Variants in ZNF768 observed in about 807,000 individuals in gnomAD.
ZNF768 encodes the protein zinc finger protein 768.
Under a neutral mutation model 39.7 loss-of-function variants are expected in ZNF768, and 12 were observed. The ratio of observed to expected loss-of-function variants is 0.30; its 90% CI spans 0.19 to 0.49. The LOEUF is 0.49. Ranked by LOEUF, ZNF768 falls within the 20% of genes least tolerant of loss-of-function variation. The pLI, the probability that ZNF768 is intolerant of heterozygous loss-of-function variation, is 0.99. For missense variants in ZNF768, 613 were observed against 723.2 expected (o/e 0.85, Z 1.75); for synonymous variants, 360 against 288.4 (o/e 1.25, Z -2.52).
In ZNF768 at chr16:30,524,988, C is replaced by A; in HGVS notation, c.1152G>T (p.Gln384His). ...SCTECGKCYS[Q>H]NSSLRSHQRV... Reference sequence around the variant, plus strand: ...TCTGATGGCTGCGCAGGGACGAGTTCTGGCTATAGCACTTGCCGCACTCGG... The same window carrying A: ...TCTGATGGCTGCGCAGGGACGAGTTATGGCTATAGCACTTGCCGCACTCGG... Residue 384 changes from glutamine to histidine, a missense_variant, in exon 2 of 2, where the codon CAG becomes CAT. This residue lies in a region of ZNF768 where 204 missense variants were observed against 281.7 expected (regional missense o/e 0.72). Transcript: ENST00000380412. The A allele has an allele frequency of 6.2e-6, 10 of 1,611,532 alleles. No individual in the cohort carries two copies. Among genetic ancestry groups the A allele is most frequent in the Non-Finnish European group, 8.5e-6 (10 of 1,179,328 alleles).
At position 30,524,467 on chromosome 16, in the gene ZNF768, C is replaced by A. The variant is rs1174491934; in HGVS notation, c.*50G>T. ...CCTCCCTAAAGGTTCCTCTAGCTCC[C>A]TGGCCCCTTATCTTCTGCCCACACC... On this transcript the variant is annotated 3_prime_UTR_variant, in exon 2 of 2. Coordinates refer to ENST00000380412, the MANE Select transcript of ZNF768 (RefSeq NM_024671.4). 3.8e-6 allele frequency: 6 copies of A among 1,559,326 alleles called. No individual in the cohort carries two copies. Among genetic ancestry groups the A allele is most frequent in the Non-Finnish European group, 5.2e-6 (6 of 1,160,086 alleles).
Position 30,524,427 on chromosome 16 carries a change from C to T in ZNF768, c.*90G>A, listed in dbSNP as rs2051300423. ...CATCCTCAGCTCCTCCATTCTCCTGCGGCTTCTCCACTATCCTCCCTAAAG... is the reference window on the plus strand; with the variant it reads ...CATCCTCAGCTCCTCCATTCTCCTGTGGCTTCTCCACTATCCTCCCTAAAG... On this transcript the variant is annotated 3_prime_UTR_variant, in exon 2 of 2. Coordinates refer to ENST00000380412, the MANE Select transcript of ZNF768 (RefSeq NM_024671.4). 1.3e-6 allele frequency: 2 copies of T among 1,495,818 alleles called. No homozygotes were observed. Among genetic ancestry groups the T allele is most frequent in the South Asian group, 2.7e-5 (2 of 74,494 alleles). The allele number at this position is 1,495,818 out of a possible 1,614,324, so 92.7% of individuals were successfully genotyped here.
In ZNF768 at chr16:30,526,254, G is replaced by A. The variant is rs551076184; in HGVS notation, c.88+72C>T. 6.3e-6 allele frequency: 10 copies of A among 1,586,044 alleles called. No individual in the cohort carries two copies. The Middle Eastern group carries it at 6.8e-4, about 108-fold the overall frequency. On this transcript the variant is annotated intron_variant, in intron 1 of 1. Coordinates refer to ENST00000380412, the MANE Select transcript of ZNF768 (RefSeq NM_024671.4). ...CCAGGTGTCCCAGCCCCGGGCCCTC[G>A]CTCCCTCCCTGGAGCCACAGCCCCT...
In ZNF768 at chr16:30,524,782, G is replaced by A; in HGVS notation, c.1358C>T (p.Pro453Leu). Reference protein sequence around the residue: ...VLAIHARTHLPGRTYSCPDCG... With the variant: ...VLAIHARTHLLGRTYSCPDCG... ...GTCGGGGCAGCTGTAGGTGCGGCCT[G>A]GCAGGTGGGTGCGGGCGTGGATGGC... The change falls in exon 2 of 2, where the codon CCA (proline) becomes CTA (leucine). Residue 453 changes from proline (P) to leucine (L), a missense_variant. Transcript: ENST00000380412. 3.7e-6 allele frequency: 6 copies of A among 1,611,446 alleles called. No individual in the cohort carries two copies. The highest frequency in any genetic ancestry group is 4.2e-6 in the Non-Finnish European group (5 of 1,179,452).
Position 30,525,852 on chromosome 16 carries a change from T to TG in ZNF768, c.287dup (p.Ser97LysfsTer3). The TG allele has an allele frequency of 6.6e-7, 1 of 1,526,100 alleles. No homozygotes were observed. The allele number at this position is 1,526,100 out of a possible 1,614,324, so 94.5% of individuals were successfully genotyped here. A position where few individuals can be genotyped will look rare whatever the true frequency, so the allele number is the denominator to read the frequency against. ...GGCTTCTGGGTGCAAACTCAGGGCT[T>TG]GGGGGCACAAGCCCAGGGCTTCGGG... On this transcript the variant is annotated frameshift_variant, in exon 2 of 2. Coordinates refer to ENST00000380412, the MANE Select transcript of ZNF768 (RefSeq NM_024671.4). LOFTEE classifies it high-confidence loss of function.
At position 30,524,754 on chromosome 16, in the gene ZNF768, G is replaced by A. The variant is rs2151214317; in HGVS notation, c.1386C>T (p.Cys462=). 1 of 1,612,064 alleles carries A rather than the reference G, an allele frequency of 6.2e-7. No homozygotes were observed. The highest frequency in any genetic ancestry group is 8.5e-7 in the Non-Finnish European group (1 of 1,179,488). Residue 462 remains cysteine (C), a synonymous_variant, in exon 2 of 2, where the codon TGC becomes TGT. Coordinates refer to ENST00000380412, the MANE Select transcript of ZNF768 (RefSeq NM_024671.4). ...LPGRTYSCPD[C]GKTFNRSSTL... ...TGGAGGAGCGATTGAAGGTCTTGCC[G>A]CAGTCGGGGCAGCTGTAGGTGCGGC...
At position 30,524,796 on chromosome 16, in the gene ZNF768, G is replaced by A. The variant is rs2051305250; in HGVS notation, c.1344C>T (p.Ala448=). ...FGQSSVLAIH[A]RTHLPGRTYS... ...AGGTGCGGCCTGGCAGGTGGGTGCG[G>A]GCGTGGATGGCCAGCACCGAGCTCT... Residue 448 remains alanine, a synonymous_variant, in exon 2 of 2, where the codon GCC becomes GCT. Transcript: ENST00000380412. The A allele has an allele frequency of 5.6e-6, 9 of 1,610,732 alleles. No homozygotes were observed. Among genetic ancestry groups the A allele is most frequent in the African/African-American group, 1.3e-5 (1 of 74,826 alleles).
rs571375878 is a variant in ZNF768, at chr16:30,526,371, C to T, written c.43G>A (p.Val15Met). 5.4e-5 allele frequency: 87 copies of T among 1,603,002 alleles called. 1 individual carries two copies. The South Asian group carries it at 6.9e-4, about 13-fold the overall frequency. The change falls in exon 1 of 2, where the codon GTG (valine) becomes ATG (methionine). Residue 15 changes from valine to methionine, a missense_variant. By Grantham distance (21) the Val-to-Met change is conservative (BLOSUM62 1). This residue lies in a region of ZNF768 where 347 missense variants were observed against 326.1 expected (regional missense o/e 1.06). Transcript: ENST00000380412. ...CTCCTCATTTCGTCAGAACTCTGCA[C>T]ATCCTGGGGCTCGAGGCCCCACGGC... Reference protein sequence around the residue: ...ALPWGLEPQDVQSSDEMRSPE... With the variant: ...ALPWGLEPQDMQSSDEMRSPE...
Position 30,526,348 on chromosome 16 carries a change from C to T in ZNF768, c.66G>A (p.Arg22=), listed in dbSNP as rs765616370. ...CACCTCTGAGGTACCCTTCGGGGCT[C>T]CTCATTTCGTCAGAACTCTGCACAT... ...PQDVQSSDEM[R]SPEGYLRGNM... The change falls in exon 1 of 2, where the codon AGG becomes AGA. Residue 22 remains arginine (R), a synonymous_variant. Coordinates refer to ENST00000380412, the MANE Select transcript of ZNF768 (RefSeq NM_024671.4). The T allele has an allele frequency of 6.2e-7, 1 of 1,608,588 alleles. No individual in the cohort carries two copies. Among genetic ancestry groups the T allele is most frequent in the Admixed American group, 1.7e-5 (1 of 59,608 alleles).
At chr16:30,526,808 C>G (rs1259688016), upstream of ZNF768, 2 of 947,502 alleles carry the variant, frequency 2.1e-6, no homozygotes, top group South Asian at 4.9e-5. Context: ...CCCACCCTCC[C>G]CCGCACAGGA....
chr16:30,526,071 A>T lies in ZNF768; in HGVS notation c.89-20T>A. On this transcript the variant is annotated intron_variant, in intron 1 of 1. Transcript: ENST00000380412. Reference sequence around the variant, plus strand: ...TGTTGCCTGCAGGATGAGAGAATCCAGATCGTGTGAGACCTGGAAGGTCAT... The same window carrying T: ...TGTTGCCTGCAGGATGAGAGAATCCTGATCGTGTGAGACCTGGAAGGTCAT... The T allele has an allele frequency of 1.3e-6, 2 of 1,495,074 alleles. No individual in the cohort carries two copies. The allele number at this position is 1,495,074 out of a possible 1,614,324, so 92.6% of individuals were successfully genotyped here. A position where few individuals can be genotyped will look rare whatever the true frequency, so the allele number is the denominator to read the frequency against.
chr16:30,532,379 G>T, the ZNF768 span: 1 of 1,174,248 alleles, frequency 8.5e-7, no homozygotes, highest in Non-Finnish European at 1.2e-6. Context: ...CAGACTGTCC[G>T]CACCCCAGGC....
the ZNF768 span, chr16:30,532,324 C>T: frequency 1.1e-4 from 83 of 733,228 alleles, no homozygotes; most frequent in Middle Eastern, 7.9e-4. Context: ...CCCAGGGCAG[C>T]GGGGAGCAAG....
At position 30,524,886 on chromosome 16, in the gene ZNF768, G is replaced by A. The variant is rs1382804048; in HGVS notation, c.1254C>T (p.Pro418=). 3 of 1,612,168 alleles carry A rather than the reference G, an allele frequency of 1.9e-6. No individual in the cohort carries two copies. Among genetic ancestry groups the A allele is most frequent in the Non-Finnish European group, 2.5e-6 (3 of 1,179,842 alleles). ...TCTCCCGGGCGTGGCTGCGGGCATG[G>A]GGGATAAGGGCCGACCGCTGGGAGA... ...KSFSQRSALI[P]HARSHAREKP... Residue 418 remains proline, a synonymous_variant, in exon 2 of 2, where the codon CCC becomes CCT. Transcript: ENST00000380412.
Position 30,526,433 on chromosome 16 carries a change from AGCG to A in ZNF768, c.-23_-21del, listed in dbSNP as rs755285063. 6 of 1,536,014 alleles carry A rather than the reference AGCG, an allele frequency of 3.9e-6. No individual in the cohort carries two copies. Among genetic ancestry groups the A allele is most frequent in the South Asian group, 1.2e-5 (1 of 82,046 alleles). ...CTCCATCCCCGCGGGCTCCCAGTGC[AGCG>A]GCGGCGGCGATGGCGGCCGATCCCG... On this transcript the variant is annotated 5_prime_UTR_variant, in exon 1 of 2. Coordinates refer to ENST00000380412, the MANE Select transcript of ZNF768 (RefSeq NM_024671.4).
At position 30,525,618 on chromosome 16, in the gene ZNF768, C is replaced by T; in HGVS notation, c.522G>A (p.Ala174=). The change falls in exon 2 of 2, where the codon GCG becomes GCA. Residue 174 remains alanine (A), a synonymous_variant. Coordinates refer to ENST00000380412, the MANE Select transcript of ZNF768 (RefSeq NM_024671.4). Reference sequence around the variant, plus strand: ...TTTCCTCGGGGTTCAGAAGCATCTCCGCACCTTCCTGGAATTTGGAACTTT... The same window carrying T: ...TTTCCTCGGGGTTCAGAAGCATCTCTGCACCTTCCTGGAATTTGGAACTTT... ...EAQSSKFQEG[A]EMLLNPEEKS... is the part of the protein sequence containing the mutation. The T allele has an allele frequency of 6.2e-7, 1 of 1,614,222 alleles. No individual in the cohort carries two copies. The highest frequency in any genetic ancestry group is 8.5e-7 in the Non-Finnish European group (1 of 1,180,042).
In ZNF768 at chr16:30,526,467, C is replaced by A; in HGVS notation, c.-54G>T. 6.9e-7 allele frequency: 1 copy of A among 1,453,046 alleles called. No individual in the cohort carries two copies. Among genetic ancestry groups the A allele is most frequent in the Middle Eastern group, 2.0e-4 (1 of 4,936 alleles). 90.0% of individuals were successfully genotyped at this position (1,453,046 alleles called of 1,614,324 possible). Reference sequence around the variant, plus strand: ...GGCGATGGCGGCCGATCCCGCGACCCGGCCTCGGTTGCCCCGAGCCGCGGG... The same window carrying A: ...GGCGATGGCGGCCGATCCCGCGACCAGGCCTCGGTTGCCCCGAGCCGCGGG... On this transcript the variant is annotated 5_prime_UTR_variant, in exon 1 of 2. Transcript: ENST00000380412.
At chr16:30,532,199 T>C in the ZNF768 span, 2 of 504,610 alleles carry the variant, frequency 4.0e-6, no homozygotes, top group Non-Finnish European at 7.0e-6. Context: ...ACAAGGTTCT[T>C]CTCTACCTCA....
At position 30,525,434 on chromosome 16, in the gene ZNF768, G is replaced by A. The variant is rs528697308; in HGVS notation, c.706C>T (p.Leu236=). 31 of 1,614,128 alleles carry A rather than the reference G, an allele frequency of 1.9e-5. 1 individual carries two copies. Among genetic ancestry groups the A allele is most frequent in the Admixed American group, 8.3e-5 (5 of 60,034 alleles). ...CCTCGAAGGGCTCCTGTGAGACCCAGGGGATTCTGAAGCATCTCAAACTGC... is the reference window on the plus strand; with the variant it reads ...CCTCGAAGGGCTCCTGTGAGACCCAAGGGATTCTGAAGCATCTCAAACTGC... ...TPQFEMLQNP[L]GLTGALRGPG... Residue 236 remains leucine (L), a synonymous_variant, in exon 2 of 2, where the codon CTG becomes TTG. Transcript: ENST00000380412.
Sources: allele counts gnomAD v4.1 joint callset, GRCh38; gene constraint gnomAD v4.1.1; regional missense constraint gnomAD v4.1.1; transcripts MANE v1.5; gene names NCBI Gene and HGNC (gene_info 2026-07-23, HGNC 2026-07-21).